GNA12: variants seen among roughly 807,000 people sequenced by gnomAD.
GNA12 encodes G protein subunit alpha 12, also known as guanine nucleotide-binding protein subunit alpha-12.
GNA12 carries 9 observed loss-of-function variants against 26.0 expected under a neutral mutation model. The ratio of observed to expected loss-of-function variants is 0.35; its 90% CI spans 0.21 to 0.60. The LOEUF is 0.60. Ranked by LOEUF, GNA12 falls within the 20% of genes least tolerant of loss-of-function variation. The pLI, the probability that GNA12 is intolerant of heterozygous loss-of-function variation, is 0.78. For synonymous variants in GNA12, 264 were observed against 219.6 expected (o/e 1.20, Z -1.79); for missense variants, 405 against 525.8 (o/e 0.77, Z 2.25).
At chr7:2,823,126 C>T (rs1023067650) in intron 1 of GNA12, among the ~76,000 whole-genome samples, 8 of 152,120 alleles carry the variant, frequency 5.3e-5, no homozygotes, top group African/African-American at 7.2e-5. Flanking sequence ...ACGTGGGGTC[C>T]GAGGCATCAT....
intron 2 of GNA12, among the ~76,000 whole-genome samples, chr7:2,792,406 T>C (rs1287325725): frequency 1.3e-5 from 2 of 152,162 alleles, no homozygotes; most frequent in Non-Finnish European, 2.9e-5. Context: ...GGAGGTCCCT[T>C]CCAGCACTGA....
At chr7:2,811,904 C>G (rs949213105) in intron 1 of GNA12, among the ~76,000 whole-genome samples, 2 of 152,208 alleles carry the variant, frequency 1.3e-5, no homozygotes, top group African/African-American at 4.8e-5. Flanking sequence ...GTGAAAAGTC[C>G]CATGTCCCCG....
chr7:2,776,578 AAG>A (rs1370598502), intron 2 of GNA12, among the ~76,000 whole-genome samples: 2 of 152,164 alleles, frequency 1.3e-5, no homozygotes, highest in Admixed American at 6.5e-5. Flanking sequence ...GGATCAGGGA[AAG>A]AGGGGCTGGG....
At chr7:2,800,828 C>A (rs938285142) in intron 1 of GNA12, among the ~76,000 whole-genome samples, 1 of 152,146 alleles carries the variant, frequency 6.6e-6, no homozygotes, top group Non-Finnish European at 1.5e-5. Context: ...TTCCTTCCTC[C>A]CGGCTCCCCC....
At position 2,735,701 on chromosome 7, in the gene GNA12, T is replaced by C. The variant is rs575182558; in HGVS notation, c.526-2200A>G. ...TAACTCATCACAGCATTTGTATCAC[T>C]ACTTGGAATGCAGGAAAACTTATCT... On this transcript the variant is annotated intron_variant, in intron 2 of 3. Transcript: ENST00000275364. Among the ~76,000 whole-genome samples the C allele has an allele frequency of 1.1e-3, 162 of 152,312 alleles. 1 individual carries two copies. The highest frequency in any genetic ancestry group is 3.9e-3 in the African/African-American group (161 of 41,576).
At chr7:2,785,105 T>C (rs1332488668) in intron 2 of GNA12, among the ~76,000 whole-genome samples, 1 of 152,128 alleles carries the variant, frequency 6.6e-6, no homozygotes, top group Admixed American at 6.6e-5. Context: ...AAGGCCAACA[T>C]CACAGGCAGA....
chr7:2,783,660 T>TTATTTATTTATTTATG (rs1792287049), intron 2 of GNA12, among the ~76,000 whole-genome samples: 5 of 55,348 alleles, frequency 9.0e-5, no homozygotes, highest in Non-Finnish European at 2.2e-4. Context: ...ATTTATTTAT[T>TTATTTATTTATTTATG]TATTTATTTA....
chr7:2,747,951 A>G (rs1402142664), intron 2 of GNA12, among the ~76,000 whole-genome samples: 1 of 151,654 alleles, frequency 6.6e-6, no homozygotes, highest in Non-Finnish European at 1.5e-5. Flanking sequence ...CCAACTTACA[A>G]GGGATGTGAA....
At chr7:2,799,803 C>A (rs1792765462) in intron 1 of GNA12, among the ~76,000 whole-genome samples, 1 of 152,040 alleles carries the variant, frequency 6.6e-6, no homozygotes, top group African/African-American at 2.4e-5. Flanking sequence ...CAGATCGAGA[C>A]CTCAGTAAGA....
chr7:2,816,282 G>A (rs566041223), intron 1 of GNA12, among the ~76,000 whole-genome samples: 1 of 148,290 alleles, frequency 6.7e-6, no homozygotes, highest in East Asian at 2.0e-4. Flanking sequence ...CCAGGCTGGA[G>A]TGCAATGGCA....
At position 2,730,409 on chromosome 7, in the gene GNA12, A is replaced by T. The variant is rs973811676; in HGVS notation, c.*772T>A. On this transcript the variant is annotated 3_prime_UTR_variant, in exon 4 of 4. Transcript: ENST00000275364. ...GCAGTCACCGTGGGCATCCTGTCTC[A>T]CTCCGTGTTGTGCTGCTGGGCATGG... 1 of 151,680 alleles carries T rather than the reference A, an allele frequency of 6.6e-6. No individual in the cohort carries two copies. The highest frequency in any genetic ancestry group is 1.5e-5 in the Non-Finnish European group (1 of 68,078). The allele number at this position is 151,680 out of a possible 1,614,324, so 9.4% of individuals were successfully genotyped here.
intron 1 of GNA12, among the ~76,000 whole-genome samples, chr7:2,817,182 C>G (rs753183181): frequency 6.6e-6 from 1 of 152,210 alleles, no homozygotes; most frequent in Non-Finnish European, 1.5e-5. Context: ...CTCGGCTCAC[C>G]GCAACCTCCA....
At chr7:2,733,419 C>A in intron 3 of GNA12, 32 bp downstream of exon 3, 4 of 1,603,810 alleles carry the variant, frequency 2.5e-6, no homozygotes, top group Non-Finnish European at 2.6e-6. Flanking sequence ...AACCCTGGAG[C>A]CCAGCTTCTT....
intron 2 of GNA12, among the ~76,000 whole-genome samples, chr7:2,759,140 AAAATAAATAAATAAAT>A (rs3074427): frequency 1.1e-3 from 159 of 144,766 alleles, no homozygotes; most frequent in East Asian, 3.4e-3. Flanking sequence ...ACACTGTCTC[AAAATAAATAAATAAAT>A]AAATAAATAA....
At chr7:2,821,985 C>A (rs1220551131) in intron 1 of GNA12, among the ~76,000 whole-genome samples, 1 of 152,142 alleles carries the variant, frequency 6.6e-6, no homozygotes, top group African/African-American at 2.4e-5. Context: ...GGAATCAGAC[C>A]AGGCCCTCGC....
chr7:2,800,849 C>T (rs1792792924), intron 1 of GNA12, among the ~76,000 whole-genome samples: 1 of 152,196 alleles, frequency 6.6e-6, no homozygotes, highest in African/African-American at 2.4e-5. Flanking sequence ...ACTGTGATTC[C>T]TCCTCCGGGT....
intron 2 of GNA12, among the ~76,000 whole-genome samples, chr7:2,757,928 A>G (rs1791380611): frequency 6.6e-6 from 1 of 152,254 alleles, no homozygotes; most frequent in Non-Finnish European, 1.5e-5. Context: ...CTGTCCCCAC[A>G]TCAGAATAGC....
intron 2 of GNA12, among the ~76,000 whole-genome samples, chr7:2,787,658 T>C (rs1792396562): frequency 6.6e-6 from 1 of 152,210 alleles, no homozygotes; most frequent in African/African-American, 2.4e-5. Flanking sequence ...GAAGGCCGCT[T>C]CCGTTGTGGG....
chr7:2,768,292 A>T (rs1791857348), intron 2 of GNA12, among the ~76,000 whole-genome samples: 1 of 152,196 alleles, frequency 6.6e-6, no homozygotes, highest in African/African-American at 2.4e-5. Context: ...AAATACAGCA[A>T]ATGTAGTGAC....
Sources: allele counts gnomAD v4.1 joint callset (sites outside exome capture counted in the v4.1 genomes callset), GRCh38; gene constraint gnomAD v4.1.1; transcripts MANE v1.5; gene names NCBI Gene and HGNC (gene_info 2026-07-23, HGNC 2026-07-21).